FUNDC2: variants seen among roughly 807,000 people sequenced by gnomAD.
FUNDC2 encodes FUN14 domain containing 2.
A neutral mutation model predicts 15.6 loss-of-function variants in FUNDC2; 4 were observed. That is an observed-to-expected ratio of 0.26 (90% CI 0.13 to 0.59). The LOEUF (loss-of-function observed/expected upper bound fraction) is 0.59, where lower values mean the gene tolerates loss of function less well. Ranked by LOEUF, FUNDC2 falls within the 20% of genes least tolerant of loss-of-function variation. FUNDC2 has a pLI of 0.90. For synonymous variants in FUNDC2, 44 were observed against 56.9 expected (o/e 0.77, Z 1.02); for missense variants, 98 against 149.7 (o/e 0.65, Z 1.80).
chrX:155,027,101 C>A, intron 1 of FUNDC2, 30 bp downstream of exon 1: 1 of 1,082,929 alleles, frequency 9.2e-7, no homozygotes, highest in Non-Finnish European at 1.2e-6. Context: ...CGGCCGGCGC[C>A]GCGGGGAGCC....
intron 2 of FUNDC2, among the ~76,000 whole-genome samples, chrX:155,041,705 A>G (rs1388119576): frequency 9.0e-6 from 1 of 111,104 alleles, no homozygotes; most frequent in African/African-American, 3.3e-5. Flanking sequence ...TTCTGTGAGA[A>G]ATGTGTTCAC....
At chrX:155,045,286 A>G (rs1297898109) in intron 2 of FUNDC2, among the ~76,000 whole-genome samples, 1 of 112,044 alleles carries the variant, frequency 8.9e-6, no homozygotes, top group African/African-American at 3.2e-5. Context: ...TCCAATGTAC[A>G]GCATGAGGAC....
rs1297492176 is a variant in FUNDC2, at chrX:155,059,428, C to T, written c.*4756C>T. 2 of 109,549 alleles carry T rather than the reference C, an allele frequency of 1.8e-5. No homozygotes were observed. The highest frequency in any genetic ancestry group is 6.7e-5 in the African/African-American group (2 of 29,962). 9.0% of individuals were successfully genotyped at this position (109,549 alleles called of 1,213,427 possible). The stretch of plus-strand genomic sequence containing the variant: ...GATTAAACTTAGCATCACTAATAGC[C>T]AACTTAACAAAGTTTTTTTTTTTTT... On this transcript the variant is annotated 3_prime_UTR_variant, in exon 5 of 5. Coordinates refer to ENST00000369498, the MANE Select transcript of FUNDC2 (RefSeq NM_023934.4).
At position 155,042,175 on chromosome X, in the gene FUNDC2, C is replaced by CTTTTTTTTTTTTTTTTTTTTTTTTTT. The variant is rs1175079092; in HGVS notation, c.285-4330_285-4305dup. ...CCTTGCTATAGTTTTCTTTTTCTAT[C>CTTTTTTTTTTTTTTTTTTTTTTTTTT]TTTTTTTTTTTTTTTTTTTTTTTTT... On this transcript the variant is annotated intron_variant, in intron 2 of 4. Transcript: ENST00000369498. Among the ~76,000 whole-genome samples, 10 of 39,188 alleles carry CTTTTTTTTTTTTTTTTTTTTTTTTTT rather than the reference C, an allele frequency of 2.6e-4. 2 individuals carry two copies. Among genetic ancestry groups the CTTTTTTTTTTTTTTTTTTTTTTTTTT allele is most frequent in the African/African-American group, 5.2e-4 (4 of 7,639 alleles). The allele number at this position is 39,188 out of a possible 115,157, so 34.0% of individuals were successfully genotyped here. A position where few individuals can be genotyped will look rare whatever the true frequency, so the allele number is the denominator to read the frequency against.
intron 2 of FUNDC2, among the ~76,000 whole-genome samples, chrX:155,042,132 C>T (rs2124192104): frequency 2.1e-5 from 2 of 97,499 alleles, no homozygotes; most frequent in East Asian, 6.3e-4. Flanking sequence ...TTGTTTTAAG[C>T]AGTTTGTTTA....
rs782227881 is a variant in FUNDC2, at chrX:155,051,807, A to G, written c.492+6A>G. ...TCAGGAGCAAAGCTGAGGAGGTGAGACTTGCATTGTTCACGTGTAGTGTGT... is the reference window on the plus strand; with the variant it reads ...TCAGGAGCAAAGCTGAGGAGGTGAGGCTTGCATTGTTCACGTGTAGTGTGT... On this transcript the variant is annotated splice_donor_region_variant and intron_variant, in intron 4 of 4. Coordinates refer to ENST00000369498, the MANE Select transcript of FUNDC2 (RefSeq NM_023934.4). 3 of 1,209,439 alleles carry G rather than the reference A, an allele frequency of 2.5e-6. No homozygotes were observed. The highest frequency in any genetic ancestry group is 4.4e-5 in the Admixed American group (2 of 45,892).
At position 155,026,965 on chromosome X, in the gene FUNDC2, A is replaced by C; in HGVS notation, c.27A>C (p.Gly9=). 8.3e-7 allele frequency: 1 copy of C among 1,200,137 alleles called. No individual in the cohort carries two copies. Among genetic ancestry groups the C allele is most frequent in the Non-Finnish European group, 1.1e-6 (1 of 891,034 alleles). METSAPRA[G]SQVVATTARH... ...TGGAAACATCTGCCCCACGTGCCGGAAGCCAAGTGGTGGCGACAACTGCGC... is the reference window on the plus strand; with the variant it reads ...TGGAAACATCTGCCCCACGTGCCGGCAGCCAAGTGGTGGCGACAACTGCGC... Residue 9 remains glycine (G), a synonymous_variant, in exon 1 of 5, where the codon GGA becomes GGC. Transcript: ENST00000369498.
chrX:155,049,745 G>C lies in FUNDC2; in HGVS notation c.361-1925G>C, dbSNP rs2124196983. The C allele has an allele frequency of 1.8e-5, 2 of 112,135 alleles. 1 individual carries two copies. The highest frequency in any genetic ancestry group is 7.3e-4 in the South Asian group (2 of 2,742). 9.2% of individuals were successfully genotyped at this position (112,135 alleles called of 1,213,427 possible). ...CATGATGTGTCTCTCCATTTATTTA[G>C]GTTGTCTTTGAGTTCTTTCTTCAGC... On this transcript the variant is annotated intron_variant, in intron 3 of 4. Transcript: ENST00000369498.
Position 155,033,331 on chromosome X carries a change from T to C in FUNDC2, c.134-72T>C, listed in dbSNP as rs2073821521. The C allele has an allele frequency of 5.0e-6, 4 of 800,971 alleles. No individual in the cohort carries two copies. The South Asian group carries it at 8.5e-5, about 17-fold the overall frequency. The allele number at this position is 800,971 out of a possible 1,213,427, so 66.0% of individuals were successfully genotyped here. On this transcript the variant is annotated intron_variant, in intron 1 of 4. Coordinates refer to ENST00000369498, the MANE Select transcript of FUNDC2 (RefSeq NM_023934.4). ...AGGTTTCTTATTACATTTATGTCTGTTTCTTTAAATATCTCAATCTAGTTA... is the reference window on the plus strand; with the variant it reads ...AGGTTTCTTATTACATTTATGTCTGCTTCTTTAAATATCTCAATCTAGTTA...
chrX:155,047,485 G>A, intron 3 of FUNDC2: 1 of 338,894 alleles, frequency 3.0e-6, no homozygotes, highest in Non-Finnish European at 5.9e-6. Flanking sequence ...GTAACTGGCT[G>A]TAGCTGGGTT....
rs185470165 is a variant in FUNDC2 at position 155,058,298 on chromosome X, G to C, written c.*3626G>C. 8.2e-4 allele frequency: 92 copies of C among 111,573 alleles called. No individual in the cohort carries two copies. The highest frequency in any genetic ancestry group is 2.9e-3 in the African/African-American group (88 of 30,667). The allele number at this position is 111,573 out of a possible 1,213,427, so 9.2% of individuals were successfully genotyped here. ...CTTGGGGTGGGTGCTTCTGGTTTTG[G>C]AAAGCAAAGTTACTGTGTAGTTAAC... On this transcript the variant is annotated 3_prime_UTR_variant, in exon 5 of 5. Coordinates refer to ENST00000369498, the MANE Select transcript of FUNDC2 (RefSeq NM_023934.4).
At chrX:155,054,443 G>C (rs1348704311) in intron 4 of FUNDC2, 152 bp from the exon 5 acceptor site, 26 of 1,090,148 alleles carry the variant, frequency 2.4e-5, no homozygotes, top group Non-Finnish European at 3.1e-5. Flanking sequence ...TAGACTATTA[G>C]TGTAAGTCCA....
At position 155,054,456 on chromosome X, in the gene FUNDC2, G is replaced by A. The variant is rs1301342505; in HGVS notation, c.493-139G>A. Reference sequence around the variant, plus strand: ...AATAGACTATTAGTGTAAGTCCATTGCCCTTTGGGTAAAGTGCAAATTACG... The same window carrying A: ...AATAGACTATTAGTGTAAGTCCATTACCCTTTGGGTAAAGTGCAAATTACG... On this transcript the variant is annotated intron_variant, in intron 4 of 4. Transcript: ENST00000369498. 4.5e-5 allele frequency: 50 copies of A among 1,114,666 alleles called. No individual in the cohort carries two copies. In the Admixed American group the frequency reaches 1.3e-3, roughly 28 times the overall value. The allele number at this position is 1,114,666 out of a possible 1,213,427, so 91.9% of individuals were successfully genotyped here.
At chrX:155,042,120 A>G (rs1338667285) in intron 2 of FUNDC2, among the ~76,000 whole-genome samples, 1 of 90,804 alleles carries the variant, frequency 1.1e-5, no homozygotes, top group Non-Finnish European at 2.2e-5. Flanking sequence ...CCTCTTTACC[A>G]TTTGTTTTAA....
intron 1 of FUNDC2, among the ~76,000 whole-genome samples, chrX:155,032,681 T>C (rs2073819616): frequency 8.9e-6 from 1 of 111,867 alleles, no homozygotes; most frequent in African/African-American, 3.3e-5. Context: ...TGGTAAATAG[T>C]AAGAGCTCAA....
chrX:155,047,871 C>T (rs1362344639), intron 3 of FUNDC2, among the ~76,000 whole-genome samples: 2 of 110,926 alleles, frequency 1.8e-5, no homozygotes, highest in Non-Finnish European at 1.9e-5. Context: ...CCAAGCCTCA[C>T]TTTTGTTGGC....
intron 4 of FUNDC2, among the ~76,000 whole-genome samples, chrX:155,052,116 T>C (rs1461726572): frequency 1.8e-5 from 2 of 112,495 alleles, no homozygotes; most frequent in Non-Finnish European, 3.7e-5. Context: ...TTTGTCGCTA[T>C]ACACGCATAT....
intron 1 of FUNDC2, among the ~76,000 whole-genome samples, chrX:155,029,882 A>G (rs2073809189): frequency 8.9e-6 from 1 of 111,745 alleles, no homozygotes; most frequent in South Asian, 3.7e-4. Flanking sequence ...TAAACAGTAT[A>G]TCACTGTTAT....
chrX:155,058,904 C>G lies in FUNDC2; in HGVS notation c.*4232C>G, dbSNP rs1298275960. ...CAGTTTACTGACTTTTCAAAAGTGT[C>G]TACCTTTTTAAATTTTAAAATGGTA... is the stretch of plus-strand genomic sequence containing the variant. On this transcript the variant is annotated 3_prime_UTR_variant, in exon 5 of 5. Coordinates refer to ENST00000369498, the MANE Select transcript of FUNDC2 (RefSeq NM_023934.4). The G allele has an allele frequency of 9.0e-6, 1 of 111,142 alleles. No homozygotes were observed. The highest frequency in any genetic ancestry group is 3.3e-5 in the African/African-American group (1 of 30,519). The allele number at this position is 111,142 out of a possible 1,213,427, so 9.2% of individuals were successfully genotyped here.
Sources: gnomAD v4.1 joint callset for allele counts (sites outside exome capture counted in the v4.1 genomes callset) on GRCh38, gnomAD v4.1.1 for gene constraint, MANE v1.5 for transcripts, NCBI Gene and HGNC (gene_info 2026-07-23, HGNC 2026-07-21) for gene names.